CADPS2: variants seen among roughly 807,000 people sequenced by gnomAD.
CADPS2 encodes the protein calcium dependent secretion activator 2.
CADPS2 carries 93 observed loss-of-function variants against 172.5 expected under a neutral mutation model. That is an observed-to-expected ratio of 0.54 (90% CI 0.46 to 0.64). The LOEUF is 0.64. CADPS2 is among the 30% of genes least tolerant of loss of function. CADPS2 has a pLI of 0.00. For missense variants in CADPS2, 1,420 were observed against 1,565.9 expected, an observed-to-expected ratio of 0.91 and a Z score of 1.57; for synonymous variants, 546 against 555.2, an observed-to-expected ratio of 0.98 and a Z score of 0.23.
intron 25 of CADPS2, among the ~76,000 whole-genome samples, chr7:122,365,645 T>C (rs2040753564): frequency 6.6e-6 from 1 of 152,074 alleles, no homozygotes; most frequent in Admixed American, 6.6e-5. Flanking sequence ...CTCCTGAGGG[T>C]GTCGGGTTGG....
chr7:122,636,814 G>T, intron 3 of CADPS2, among the ~76,000 whole-genome samples: 1 of 151,942 alleles, frequency 6.6e-6, no homozygotes, highest in East Asian at 1.9e-4. Context: ...TGAATCTGAT[G>T]GCTATGTGCC....
chr7:122,789,866 C>G (rs978595314), intron 1 of CADPS2, among the ~76,000 whole-genome samples: 2 of 151,916 alleles, frequency 1.3e-5, no homozygotes, highest in African/African-American at 4.8e-5. Flanking sequence ...AACATAGGAG[C>G]AATGCTGATC....
At chr7:122,736,492 C>T (rs979744449) in intron 2 of CADPS2, among the ~76,000 whole-genome samples, 2 of 152,112 alleles carry the variant, frequency 1.3e-5, no homozygotes, top group Non-Finnish European at 2.9e-5. Flanking sequence ...TCAGAAGAAA[C>T]AGCAGAATGG....
At chr7:122,487,144 G>A (rs948392568) in intron 11 of CADPS2, among the ~76,000 whole-genome samples, 2 of 151,096 alleles carry the variant, frequency 1.3e-5, no homozygotes, top group African/African-American at 4.9e-5. Context: ...CCCAAGTGCT[G>A]GGACTACAGC....
intron 25 of CADPS2, 88 bp from the exon 26 acceptor site, chr7:122,361,101 A>C: frequency 1.8e-6 from 2 of 1,100,784 alleles, no homozygotes; most frequent in Non-Finnish European, 2.7e-6. Flanking sequence ...AATTTCTTCC[A>C]TCGCACAAAA....
chr7:122,346,097 T>C (rs974203484), intron 27 of CADPS2, among the ~76,000 whole-genome samples: 3 of 152,154 alleles, frequency 2.0e-5, no homozygotes, highest in Non-Finnish European at 4.4e-5. Context: ...CTGAGTGCCA[T>C]GGCTCATGCC....
At position 122,545,332 on chromosome 7, in the gene CADPS2, G is replaced by A. The variant is rs868289973; in HGVS notation, c.1475+9218C>T. On this transcript the variant is annotated intron_variant, in intron 8 of 29. Transcript: ENST00000449022. ...TTGGCACATATGTATGAGAAAATGT[G>A]TAACCTGGTACTAGAGTGGCAGGAT... 3.9e-5 allele frequency among the ~76,000 whole-genome samples: 6 copies of A among 152,170 alleles called. No homozygotes were observed. The East Asian group carries it at 9.6e-4, about 24-fold the overall frequency.
At chr7:122,361,158 G>A (rs2040071351) in intron 25 of CADPS2, 145 bp from the exon 26 acceptor site, 6 of 534,198 alleles carry the variant, frequency 1.1e-5, no homozygotes, top group Non-Finnish European at 2.0e-5. Flanking sequence ...AACTTGTGAT[G>A]TTTACTCTTT....
chr7:122,781,994 AT>A (rs1292051722), intron 1 of CADPS2, among the ~76,000 whole-genome samples: 4 of 152,168 alleles, frequency 2.6e-5, no homozygotes, highest in African/African-American at 4.8e-5. Context: ...TTCAGATTTT[AT>A]GACAGAAAAA....
intron 1 of CADPS2, among the ~76,000 whole-genome samples, chr7:122,765,930 G>A (rs990668677): frequency 5.3e-5 from 8 of 152,034 alleles, no homozygotes; most frequent in African/African-American, 1.2e-4. Context: ...AATAGACAAC[G>A]TCTTAGTCCA....
At chr7:122,606,025 T>C (rs1469989291) in intron 6 of CADPS2, among the ~76,000 whole-genome samples, 1 of 152,226 alleles carries the variant, frequency 6.6e-6, no homozygotes, top group Non-Finnish European at 1.5e-5. Flanking sequence ...ACTCTTTCAA[T>C]TATTTAGCAG....
intron 2 of CADPS2, among the ~76,000 whole-genome samples, chr7:122,705,221 G>A (rs1346345435): frequency 6.6e-6 from 1 of 151,424 alleles, no homozygotes; most frequent in Admixed American, 6.6e-5. Flanking sequence ...TTATCAGAAT[G>A]AGGTCTAAGA....
intron 28 of CADPS2, among the ~76,000 whole-genome samples, chr7:122,340,788 C>T (rs12706408): frequency 0.035 from 5,267 of 148,808 alleles, 150 homozygotes; most frequent in Non-Finnish European, 0.048. Context: ...ATATTGGGAT[C>T]AGGTTGAAGA....
intron 1 of CADPS2, among the ~76,000 whole-genome samples, chr7:122,878,724 G>GA (rs1400496282): frequency 6.7e-6 from 1 of 150,148 alleles, no homozygotes; most frequent in African/African-American, 2.4e-5. Context: ...ATGAAAATTT[G>GA]AAAAAAGAAT....
intron 20 of CADPS2, among the ~76,000 whole-genome samples, chr7:122,399,466 T>C (rs2045601651): frequency 6.6e-6 from 1 of 152,088 alleles, no homozygotes; most frequent in African/African-American, 2.4e-5. Flanking sequence ...AGAAGTCTTA[T>C]GGTCCAGCAG....
chr7:122,605,891 AT>A (rs1394085382), intron 6 of CADPS2, among the ~76,000 whole-genome samples: 1 of 151,490 alleles, frequency 6.6e-6, no homozygotes, highest in Non-Finnish European at 1.5e-5. Context: ...TTAATCCAGG[AT>A]TTTTTTTTCT....
intron 28 of CADPS2, among the ~76,000 whole-genome samples, chr7:122,336,379 ATCTGT>A (rs2035853540): frequency 6.6e-6 from 1 of 152,174 alleles, no homozygotes; most frequent in African/African-American, 2.4e-5. Flanking sequence ...GGTAGTAGCT[ATCTGT>A]TCTATGAAAA....
At chr7:122,547,633 G>C (rs2063761520) in intron 8 of CADPS2, among the ~76,000 whole-genome samples, 1 of 152,160 alleles carries the variant, frequency 6.6e-6, no homozygotes, top group Non-Finnish European at 1.5e-5. Flanking sequence ...ATCAAATTTA[G>C]TTGGGAAGCT....
intron 6 of CADPS2, among the ~76,000 whole-genome samples, chr7:122,606,556 T>C (rs1322500317): frequency 1.3e-5 from 2 of 152,106 alleles, no homozygotes; most frequent in Non-Finnish European, 2.9e-5. Flanking sequence ...ATGGAACTTC[T>C]AGAAAAATTG....
Sources: gnomAD v4.1 joint callset for allele counts (sites outside exome capture counted in the v4.1 genomes callset) on GRCh38, gnomAD v4.1.1 for gene constraint, MANE v1.5 for transcripts, NCBI Gene and HGNC (gene_info 2026-07-23, HGNC 2026-07-21) for gene names.